PGBD5: variants seen among roughly 807,000 people sequenced by gnomAD.
The protein encoded by PGBD5 is piggyBac transposable element-derived protein 5.
Under a neutral mutation model 47.9 loss-of-function variants are expected in PGBD5, and 14 were observed. The observed-to-expected ratio is 0.29, with a 90% CI of 0.19 to 0.46. The LOEUF (loss-of-function observed/expected upper bound fraction) is 0.46. Ranked by LOEUF, PGBD5 falls within the 20% of genes least tolerant of loss-of-function variation. The pLI is 1.00. For synonymous variants in PGBD5, 316 were observed against 306.3 expected, an observed-to-expected ratio of 1.03 and a Z score of -0.33; for missense variants, 635 against 716.0, an observed-to-expected ratio of 0.89 and a Z score of 1.29.
intron 4 of PGBD5, among the ~76,000 whole-genome samples, chr1:230,335,940 C>G (rs1052475556): frequency 6.6e-6 from 1 of 151,986 alleles, no homozygotes; most frequent in Non-Finnish European, 1.5e-5. Context: ...CACACAGACA[C>G]ACAAAGACAC....
chr1:230,336,747 G>A (rs573810547), intron 4 of PGBD5, among the ~76,000 whole-genome samples: 1 of 152,176 alleles, frequency 6.6e-6, no homozygotes, highest in African/African-American at 2.4e-5. Flanking sequence ...TAGATGATGG[G>A]TGAGTTCCAG....
At chr1:230,404,925 CAA>C (rs57462323) in intron 1 of PGBD5, among the ~76,000 whole-genome samples, 11 of 66,182 alleles carry the variant, frequency 1.7e-4, no homozygotes, top group Non-Finnish European at 2.2e-4. Flanking sequence ...AACTCCATCT[CAA>C]AAAAAAAAAA....
At chr1:230,422,343 C>T (rs1372407437) in intron 1 of PGBD5, among the ~76,000 whole-genome samples, 2 of 151,972 alleles carry the variant, frequency 1.3e-5, no homozygotes, top group African/African-American at 2.4e-5. Flanking sequence ...AAAAAGCAGC[C>T]GGGCCTGAAT....
rs1657750422 is a variant in PGBD5 at position 230,425,322 on chromosome 1, G to C, written c.331+276C>G. Among the ~76,000 whole-genome samples the C allele has an allele frequency of 6.6e-6, 1 of 152,166 alleles. No homozygotes were observed. The highest frequency in any genetic ancestry group is 2.1e-4 in the South Asian group (1 of 4,828). Reference sequence around the variant, plus strand: ...GGTGTGACAGACTTCCCATGCAGGGGCTGGGGTGCTCCCAGGAAGTGAAGG... The same window carrying C: ...GGTGTGACAGACTTCCCATGCAGGGCCTGGGGTGCTCCCAGGAAGTGAAGG... On this transcript the variant is annotated intron_variant, in intron 1 of 6. Transcript: ENST00000391860. This position sits in a 1 kb window ranked among gnomAD's most constrained non-coding sequence, Gnocchi z 4.7.
chr1:230,394,612 CCT>C (rs1656878074), intron 1 of PGBD5, among the ~76,000 whole-genome samples: 1 of 138,356 alleles, frequency 7.2e-6, no homozygotes, highest in South Asian at 2.4e-4. Context: ...TCCCCGAGCT[CCT>C]CTCTCATTCC....
intron 4 of PGBD5, among the ~76,000 whole-genome samples, chr1:230,333,972 G>A (rs965192603): frequency 6.6e-6 from 1 of 152,250 alleles, no homozygotes; most frequent in Non-Finnish European, 1.5e-5. Context: ...CAGCAGCCTG[G>A]AGGGGACGCA....
intron 6 of PGBD5, 144 bp downstream of exon 6, chr1:230,325,166 A>T: frequency 1.5e-6 from 1 of 657,586 alleles, no homozygotes; most frequent in Non-Finnish European, 2.6e-6. Flanking sequence ...CCAGAAGCCC[A>T]GGCTGAGGGC....
chr1:230,350,839 G>T, intron 3 of PGBD5, 119 bp downstream of exon 3: 1 of 1,407,132 alleles, frequency 7.1e-7, no homozygotes, highest in Non-Finnish European at 9.5e-7. Flanking sequence ...GGGTGGACTT[G>T]GACCCACAGT....
chr1:230,337,103 C>T lies in PGBD5; in HGVS notation c.1075+5G>A. On this transcript the variant is annotated splice_donor_5th_base_variant and intron_variant, in intron 4 of 6. Transcript: ENST00000391860. ...GTATCCTCACTGGCTCCCCACTTGA[C>T]TAACCTTGCTTCTCAAACTCTTCAA... The T allele has an allele frequency of 6.2e-7, 1 of 1,613,062 alleles. No homozygotes were observed. Among genetic ancestry groups the T allele is most frequent in the Non-Finnish European group, 8.5e-7 (1 of 1,179,254 alleles).
chr1:230,381,143 A>G lies in PGBD5; in HGVS notation c.332-23822T>C, dbSNP rs189237623. ...TGTTTTGCCCATGTTATAGATAAGGAAACTGAAAGCCAAACAAGGTTGCGA... is the reference window on the plus strand; with the variant it reads ...TGTTTTGCCCATGTTATAGATAAGGGAACTGAAAGCCAAACAAGGTTGCGA... On this transcript the variant is annotated intron_variant, in intron 1 of 6. Transcript: ENST00000391860. Among the ~76,000 whole-genome samples, 508 of 152,384 alleles carry G rather than the reference A, an allele frequency of 3.3e-3. 5 individuals carry two copies. Among genetic ancestry groups the G allele is most frequent in the African/African-American group, 0.011 (471 of 41,586 alleles).
intron 3 of PGBD5, among the ~76,000 whole-genome samples, chr1:230,341,211 C>G (rs549348757): frequency 1.3e-5 from 2 of 152,272 alleles, no homozygotes; most frequent in African/African-American, 4.8e-5. Flanking sequence ...TTGAAAGTCT[C>G]AGTTGAGGGC....
chr1:230,423,786 G>A (rs943711613), intron 1 of PGBD5, among the ~76,000 whole-genome samples: 4 of 152,138 alleles, frequency 2.6e-5, no homozygotes, highest in Non-Finnish European at 5.9e-5. Flanking sequence ...AACCACTAAT[G>A]TCTTTGGTTA....
intron 3 of PGBD5, among the ~76,000 whole-genome samples, chr1:230,346,636 T>A (rs769401311): frequency 4.6e-5 from 7 of 152,228 alleles, no homozygotes; most frequent in Non-Finnish European, 1.0e-4. Flanking sequence ...AGTGCTGCTA[T>A]TAAAACATTG....
At position 230,425,948 on chromosome 1, in the gene PGBD5, G is replaced by A; in HGVS notation, c.-20C>T. Reference sequence around the variant, plus strand: ...GGCCATGGCCCCGGCCGCCGCCCGCGCGCCCGCCCCCACAGTGCCTCCCAG... The same window carrying A: ...GGCCATGGCCCCGGCCGCCGCCCGCACGCCCGCCCCCACAGTGCCTCCCAG... On this transcript the variant is annotated 5_prime_UTR_variant, in exon 1 of 7. Transcript: ENST00000391860. The surrounding 1 kb of genome is among the most constrained non-coding windows in gnomAD (Gnocchi z 4.7). 1 of 829,988 alleles carries A rather than the reference G, an allele frequency of 1.2e-6. No individual in the cohort carries two copies. Among genetic ancestry groups the A allele is most frequent in the Non-Finnish European group, 1.3e-6 (1 of 756,002 alleles). The allele number at this position is 829,988 out of a possible 1,614,324, so 51.4% of individuals were successfully genotyped here. A position where few individuals can be genotyped will look rare whatever the true frequency, so the allele number is the denominator to read the frequency against.
At chr1:230,383,951 G>A (rs1428112983) in intron 1 of PGBD5, among the ~76,000 whole-genome samples, 1 of 152,148 alleles carries the variant, frequency 6.6e-6, no homozygotes, top group Non-Finnish European at 1.5e-5. Context: ...GATCAGGCTC[G>A]GTCCTCCCCT....
intron 3 of PGBD5, among the ~76,000 whole-genome samples, chr1:230,350,463 C>T (rs1192761970): frequency 6.6e-6 from 1 of 152,220 alleles, no homozygotes; most frequent in Non-Finnish European, 1.5e-5. Flanking sequence ...ATAATTTCAC[C>T]AGCAGGCTGT....
chr1:230,390,471 C>A (rs1342818348), intron 1 of PGBD5, among the ~76,000 whole-genome samples: 3 of 152,144 alleles, frequency 2.0e-5, no homozygotes, highest in African/African-American at 7.2e-5. Flanking sequence ...CCAAATCAGC[C>A]TACATTTGTT....
intron 1 of PGBD5, among the ~76,000 whole-genome samples, chr1:230,406,311 C>CA (rs67577027): frequency 0.14 from 7,291 of 52,536 alleles, 636 homozygotes; most frequent in South Asian, 0.23. Context: ...GACTCCGTCT[C>CA]AAAAAAAAAA....
intron 1 of PGBD5, among the ~76,000 whole-genome samples, chr1:230,404,384 G>A (rs1040293158): frequency 5.3e-5 from 8 of 152,000 alleles, no homozygotes; most frequent in Non-Finnish European, 1.5e-5. Context: ...GGGGACTGAG[G>A]TGGAAAGATT....
Sources: gnomAD v4.1 joint callset for allele counts (sites outside exome capture counted in the v4.1 genomes callset) on GRCh38, gnomAD v4.1.1 for gene constraint, Gnocchi (gnomAD v3.1) non-coding constraint, MANE v1.5 for transcripts, NCBI Gene and HGNC (gene_info 2026-07-23, HGNC 2026-07-21) for gene names.